The following PTPRT variants were observed in gnomAD, a reference collection of about 807,000 sequenced individuals.
PTPRT encodes receptor-type tyrosine-protein phosphatase T.
In PTPRT, 56 loss-of-function variants were observed where a neutral mutation model predicts 176.8. The observed-to-expected ratio is 0.32, with a 90% CI of 0.26 to 0.40. The LOEUF (loss-of-function observed/expected upper bound fraction) is 0.40. PTPRT is among the 10% of genes least tolerant of loss of function. The probability of loss-of-function intolerance (pLI) is 1.00; values close to 1 mark genes in which losing one functional copy is unlikely to be tolerated. For synonymous variants in PTPRT, 783 were observed against 739.0 expected, an observed-to-expected ratio of 1.06 and a Z score of -0.96; for missense variants, 1,540 against 1,908.2, an observed-to-expected ratio of 0.81 and a Z score of 3.60.
chr20:42,650,734 T>C (rs929132514), intron 7 of PTPRT, among the ~76,000 whole-genome samples: 2 of 152,160 alleles, frequency 1.3e-5, no homozygotes, highest in African/African-American at 4.8e-5. Context: ...AGAATACTTA[T>C]GCAAAGATAA....
intron 18 of PTPRT, among the ~76,000 whole-genome samples, chr20:42,140,632 C>T (rs949524822): frequency 3.3e-5 from 5 of 152,174 alleles, no homozygotes; most frequent in Non-Finnish European, 5.9e-5. Context: ...ACTGATCCCT[C>T]TGCTACCAGC....
intron 1 of PTPRT, among the ~76,000 whole-genome samples, chr20:43,072,066 C>T (rs949278069): frequency 3.9e-5 from 6 of 152,206 alleles, no homozygotes; most frequent in Admixed American, 3.9e-4. Context: ...ATATTTGTAT[C>T]CTCACAGCCT....
intron 1 of PTPRT, among the ~76,000 whole-genome samples, chr20:43,141,248 T>C (rs1600742654): frequency 6.6e-6 from 1 of 152,170 alleles, no homozygotes; most frequent in South Asian, 2.1e-4. Flanking sequence ...CCACCACTTA[T>C]TTACCTTATG....
At chr20:42,473,133 C>T (rs1029789233) in intron 7 of PTPRT, among the ~76,000 whole-genome samples, 1 of 152,090 alleles carries the variant, frequency 6.6e-6, no homozygotes, top group Non-Finnish European at 1.5e-5. Flanking sequence ...CCTCTCCTTT[C>T]CTTGACTACA....
At chr20:42,144,395 C>T (rs1301319841) in intron 17 of PTPRT, among the ~76,000 whole-genome samples, 5 of 152,022 alleles carry the variant, frequency 3.3e-5, no homozygotes, top group Admixed American at 2.0e-4. Flanking sequence ...GTCCATTAGA[C>T]ATCCAAGCTG....
At chr20:42,199,409 G>GA (rs781032497) in intron 15 of PTPRT, 21 bp from the exon 16 acceptor site, 47 of 1,607,398 alleles carry the variant, frequency 2.9e-5, no homozygotes, top group South Asian at 2.9e-4. Context: ...TGTGCAAGGG[G>GA]AAAAAACCAC....
intron 4 of PTPRT, among the ~76,000 whole-genome samples, chr20:42,776,956 C>T (rs1300239272): frequency 1.3e-5 from 2 of 151,940 alleles, no homozygotes; most frequent in African/African-American, 2.4e-5. Context: ...TGAAGACAGA[C>T]AGTCAATCTG....
At chr20:42,484,105 T>C (rs1200106566) in intron 7 of PTPRT, among the ~76,000 whole-genome samples, 1 of 152,204 alleles carries the variant, frequency 6.6e-6, no homozygotes, top group Non-Finnish European at 1.5e-5. Context: ...GTTGCCACCT[T>C]TGTCTAGTGT....
At chr20:42,205,422 T>A (rs894234058) in intron 15 of PTPRT, among the ~76,000 whole-genome samples, 1 of 152,188 alleles carries the variant, frequency 6.6e-6, no homozygotes, top group Non-Finnish European at 1.5e-5. Flanking sequence ...GATGATGATA[T>A]GAAAAACAAG....
At chr20:42,744,582 T>C (rs1448221764) in intron 6 of PTPRT, among the ~76,000 whole-genome samples, 2 of 152,122 alleles carry the variant, frequency 1.3e-5, no homozygotes, top group Non-Finnish European at 2.9e-5. Context: ...TTGTATTAAT[T>C]AGGAAAATAC....
intron 22 of PTPRT, among the ~76,000 whole-genome samples, chr20:42,112,514 G>A (rs760885649): frequency 4.0e-4 from 61 of 152,166 alleles, no homozygotes; most frequent in Non-Finnish European, 4.0e-4. Flanking sequence ...TAATGTTCTG[G>A]GAAAAACAGA....
intron 7 of PTPRT, among the ~76,000 whole-genome samples, chr20:42,621,899 T>TGATGGACTTAGG (rs1295698950): frequency 5.5e-4 from 84 of 152,022 alleles, no homozygotes; most frequent in Middle Eastern, 3.4e-3. Flanking sequence ...GTAGGCTGAG[T>TGATGGACTTAGG]GATGGACTTA....
chr20:42,388,961 T>C (rs1407197900), intron 9 of PTPRT, among the ~76,000 whole-genome samples: 5 of 152,006 alleles, frequency 3.3e-5, no homozygotes, highest in African/African-American at 1.2e-4. Flanking sequence ...AAATGATGAG[T>C]TCATGTCCTT....
intron 6 of PTPRT, among the ~76,000 whole-genome samples, chr20:42,706,179 TTGTGTGTGTGTG>T (rs369232610): frequency 0.019 from 2,298 of 123,540 alleles, 55 homozygotes; most frequent in African/African-American, 0.057. Context: ...CTCTCTCTGT[TTGTGTGTGTGTG>T]TGTGTGTGTG....
intron 1 of PTPRT, among the ~76,000 whole-genome samples, chr20:42,982,013 T>G (rs1190187358): frequency 6.6e-6 from 1 of 152,230 alleles, no homozygotes; most frequent in East Asian, 1.9e-4. Context: ...GGTGGGAAGA[T>G]CCCAATAAGT....
chr20:42,322,931 C>A (rs1441795569), intron 11 of PTPRT, among the ~76,000 whole-genome samples: 2 of 151,942 alleles, frequency 1.3e-5, no homozygotes, highest in Admixed American at 1.3e-4. Context: ...CTAACAACCC[C>A]ATCAAAAAGT....
At chr20:42,729,893 TC>T (rs1293935132) in intron 6 of PTPRT, among the ~76,000 whole-genome samples, 1 of 152,114 alleles carries the variant, frequency 6.6e-6, no homozygotes, top group Non-Finnish European at 1.5e-5. Context: ...GGCCTGGACT[TC>T]CCTTGGCCAG....
chr20:42,084,412 G>T (rs1307212120), intron 29 of PTPRT, among the ~76,000 whole-genome samples: 2 of 152,200 alleles, frequency 1.3e-5, no homozygotes, highest in East Asian at 3.9e-4. Flanking sequence ...CCATTGTAGA[G>T]AAGCAGGCAA....
At chr20:43,041,527 A>G (rs1201695996) in intron 1 of PTPRT, among the ~76,000 whole-genome samples, 1 of 152,210 alleles carries the variant, frequency 6.6e-6, no homozygotes, top group Non-Finnish European at 1.5e-5. Flanking sequence ...ATTGAGTTGT[A>G]GGAAAGTACC....
Sources: gnomAD v4.1 joint callset for allele counts (sites outside exome capture counted in the v4.1 genomes callset) on GRCh38, gnomAD v4.1.1 for gene constraint, MANE v1.5 for transcripts, NCBI Gene and HGNC (gene_info 2026-07-23, HGNC 2026-07-21) for gene names.